The following GRM7 variants were observed in gnomAD, a reference collection of about 807,000 sequenced individuals.
GRM7 encodes the protein glutamate metabotropic receptor 7.
A neutral mutation model predicts 84.5 loss-of-function variants in GRM7; 35 were observed. The observed-to-expected ratio is 0.41, with a 90% CI of 0.32 to 0.55. The LOEUF (loss-of-function observed/expected upper bound fraction) is 0.55. GRM7 is among the 20% of genes least tolerant of loss of function. GRM7 has a pLI of 0.19. For missense variants in GRM7, 1,003 were observed against 1,194.6 expected (o/e 0.84, Z 2.36); for synonymous variants, 487 against 455.1 (o/e 1.07, Z -0.89).
chr3:7,570,362 A>T (rs560039006), intron 7 of GRM7, among the ~76,000 whole-genome samples: 2 of 152,330 alleles, frequency 1.3e-5, no homozygotes, highest in South Asian at 2.1e-4. Flanking sequence ...AAAATAAAAT[A>T]AAAAAGTTAG....
At chr3:7,600,785 T>C (rs1696271199) in intron 8 of GRM7, among the ~76,000 whole-genome samples, 1 of 152,214 alleles carries the variant, frequency 6.6e-6, no homozygotes, top group Admixed American at 6.6e-5. Context: ...AATTGATGGA[T>C]AGGCACATTC....
rs1697249552 is a variant in GRM7, at chr3:6,924,965, A to G, written c.519+63058A>G. 6.6e-5 allele frequency among the ~76,000 whole-genome samples: 10 copies of G among 152,270 alleles called. No individual in the cohort carries two copies. The South Asian group carries it at 2.1e-3, about 32-fold the overall frequency. On this transcript the variant is annotated intron_variant, in intron 1 of 9. Transcript: ENST00000357716. ...ACCCTTGACTCTTGTTTCATAATAT[A>G]GGGACCCACAGTTACATACGAAGTC...
At chr3:7,555,703 T>A (rs1387878712) in intron 7 of GRM7, among the ~76,000 whole-genome samples, 2 of 152,176 alleles carry the variant, frequency 1.3e-5, no homozygotes, top group Non-Finnish European at 2.9e-5. Context: ...GGCAGATGCT[T>A]ACAGTTAAGG....
At chr3:7,126,787 T>C (rs1299666700) in intron 1 of GRM7, among the ~76,000 whole-genome samples, 1 of 152,202 alleles carries the variant, frequency 6.6e-6, no homozygotes, top group Non-Finnish European at 1.5e-5. Context: ...TCTTTCACTT[T>C]GTTAATCTCT....
chr3:7,128,723 G>A (rs1447026035), intron 1 of GRM7, among the ~76,000 whole-genome samples: 1 of 150,348 alleles, frequency 6.7e-6, no homozygotes, highest in Non-Finnish European at 1.5e-5. Context: ...GGCCAGGATG[G>A]TCTTGAACTC....
chr3:7,229,726 C>CACATAT (rs1290862608), intron 2 of GRM7, among the ~76,000 whole-genome samples: 3 of 28,602 alleles, frequency 1.0e-4, no homozygotes. Context: ...TAGACACACA[C>CACATAT]ATATATATAT....
At chr3:7,554,826 TG>T (rs992623791) in intron 7 of GRM7, among the ~76,000 whole-genome samples, 11 of 152,380 alleles carry the variant, frequency 7.2e-5, no homozygotes, top group Admixed American at 6.5e-4. Flanking sequence ...GGCCTGCCAG[TG>T]GCCCATGTCA....
At chr3:7,544,922 C>T (rs1693070085) in intron 7 of GRM7, among the ~76,000 whole-genome samples, 1 of 152,136 alleles carries the variant, frequency 6.6e-6, no homozygotes, top group Non-Finnish European at 1.5e-5. Flanking sequence ...CAATTTTTGC[C>T]CCCTTAGGGG....
chr3:7,269,102 A>T lies in GRM7; in HGVS notation c.737-29582A>T, dbSNP rs577023808. Among the ~76,000 whole-genome samples the T allele has an allele frequency of 3.3e-5, 5 of 152,328 alleles. No homozygotes were observed. In the South Asian group the frequency reaches 1.0e-3, roughly 32 times the overall value. On this transcript the variant is annotated intron_variant, in intron 2 of 9. Transcript: ENST00000357716. ...CAATAAAAAAACAGAGACCCACAGA[A>T]TCAGAACCACATGACCTGGAAGGCT...
At chr3:6,880,077 C>T (rs972074451) in intron 1 of GRM7, among the ~76,000 whole-genome samples, 2 of 152,144 alleles carry the variant, frequency 1.3e-5, no homozygotes, top group Non-Finnish European at 2.9e-5. Context: ...TTAGCTAGGG[C>T]TTTAAACTGG....
chr3:7,296,545 T>A (rs1429124689), intron 2 of GRM7, among the ~76,000 whole-genome samples: 1 of 152,092 alleles, frequency 6.6e-6, no homozygotes, highest in African/African-American at 2.4e-5. Context: ...AACGACCAAT[T>A]TGGCATTTTT....
rs559887814 is a variant in GRM7, at chr3:7,236,411, T to C, written c.737-62273T>C. Among the ~76,000 whole-genome samples the C allele has an allele frequency of 2.0e-5, 3 of 152,316 alleles. No homozygotes were observed. In the East Asian group the frequency reaches 5.8e-4, roughly 29 times the overall value. On this transcript the variant is annotated intron_variant, in intron 2 of 9. Coordinates refer to ENST00000357716, the MANE Select transcript of GRM7 (RefSeq NM_000844.4). The stretch of plus-strand genomic sequence containing the variant: ...GAAAAGGGAAGTAGTAGATTGGTTA[T>C]GGTCCTAATTTTACATGGCTTCCTA...
At chr3:6,977,551 G>A (rs1575090531) in intron 1 of GRM7, among the ~76,000 whole-genome samples, 1 of 152,150 alleles carries the variant, frequency 6.6e-6, no homozygotes, top group African/African-American at 2.4e-5. Flanking sequence ...CCCCCACTAA[G>A]TGGCAGGACC....
chr3:7,114,895 T>A (rs1030565204), intron 1 of GRM7, among the ~76,000 whole-genome samples: 24 of 152,110 alleles, frequency 1.6e-4, no homozygotes, highest in Admixed American at 1.5e-3. Flanking sequence ...CCACCCCATG[T>A]TTTGCCCTCT....
At chr3:7,587,138 T>C (rs1695556280) in intron 8 of GRM7, among the ~76,000 whole-genome samples, 1 of 152,194 alleles carries the variant, frequency 6.6e-6, no homozygotes, top group East Asian at 1.9e-4. Context: ...TATATATTGA[T>C]TATATCTCCA....
At chr3:7,296,739 G>T (rs1699826414) in intron 2 of GRM7, among the ~76,000 whole-genome samples, 1 of 151,388 alleles carries the variant, frequency 6.6e-6, no homozygotes, top group Non-Finnish European at 1.5e-5. Context: ...CCTAAATAGG[G>T]TCATTTGTTA....
chr3:7,030,330 C>T (rs187561951), intron 1 of GRM7, among the ~76,000 whole-genome samples: 2 of 152,220 alleles, frequency 1.3e-5, no homozygotes, highest in East Asian at 3.9e-4. Context: ...TGACATAAGA[C>T]ATGGTGGGTT....
chr3:7,154,506 A>G (rs1230664803), intron 2 of GRM7, among the ~76,000 whole-genome samples: 2 of 152,112 alleles, frequency 1.3e-5, no homozygotes, highest in Admixed American at 6.6e-5. Context: ...GTATGAAAAG[A>G]TCTGAAGGTG....
At chr3:6,896,955 C>G (rs1038931950) in intron 1 of GRM7, among the ~76,000 whole-genome samples, 9 of 152,254 alleles carry the variant, frequency 5.9e-5, no homozygotes, top group African/African-American at 2.2e-4. Context: ...CATATTGTAT[C>G]ATGGTTATTT....
Sources: gnomAD v4.1 joint callset for allele counts (sites outside exome capture counted in the v4.1 genomes callset) on GRCh38, gnomAD v4.1.1 for gene constraint, MANE v1.5 for transcripts, NCBI Gene and HGNC (gene_info 2026-07-23, HGNC 2026-07-21) for gene names.